The following HJV variants were observed in gnomAD, a reference collection of about 807,000 sequenced individuals.
The protein encoded by HJV is hemojuvelin BMP co-receptor, also known as hemojuvelin.
HJV carries 18 observed loss-of-function variants against 22.7 expected under a neutral mutation model. That is an observed-to-expected ratio of 0.79 (90% confidence interval 0.55 to 1.18). HJV has a LOEUF of 1.18. Among genes scored for constraint, HJV ranks in the 50% most tolerant of loss-of-function variants. The pLI, the probability that HJV is intolerant of heterozygous loss-of-function variation, is 0.00. For synonymous variants in HJV, 229 were observed against 222.7 expected, an observed-to-expected ratio of 1.03 and a Z score of -0.25; for missense variants, 572 against 553.0, an observed-to-expected ratio of 1.03 and a Z score of -0.34.
Position 146,018,513 on chromosome 1 carries a change from CCAA to C in HJV, c.842_844del (p.Ile281_Gly282delinsSer). On this transcript the variant is annotated inframe_deletion, in exon 4 of 4. Transcript: ENST00000336751. Reference sequence around the variant, plus strand: ...TGTCTGCCGAATGATTATAGTTGTGCCAATGTAGGCAGCTTGGATCTCCACATG... The same window carrying C: ...TGTCTGCCGAATGATTATAGTTGTGCTGTAGGCAGCTTGGATCTCCACATG... 6.2e-7 allele frequency: 1 copy of C among 1,614,106 alleles called. No homozygotes were observed. Among genetic ancestry groups the C allele is most frequent in the Non-Finnish European group, 8.5e-7 (1 of 1,180,016 alleles).
rs1571043088 is a variant in HJV, at chr1:146,018,600, T to C, written c.758A>G (p.Asn253Ser). The C allele has an allele frequency of 6.2e-7, 1 of 1,614,198 alleles. No individual in the cohort carries two copies. The highest frequency in any genetic ancestry group is 8.5e-7 in the Non-Finnish European group (1 of 1,180,018). The change falls in exon 4 of 4, where the codon AAT (asparagine) becomes AGT (serine). Residue 253 changes from asparagine to serine, a missense_variant. By Grantham distance (46) the Asn-to-Ser change is conservative. Transcript: ENST00000336751. ...GGATCCCCCAGGTCGGTCACCTCCA[T>C]TGATAGAACCATCTTCAAAGGCTAC... The part of the protein sequence containing the change: ...LPVAFEDGSI[N>S]GGDRPGGSSL...
intron 1 of HJV, among the ~76,000 whole-genome samples, chr1:146,020,754 A>G (rs1350923760): frequency 6.6e-6 from 1 of 152,188 alleles, no homozygotes; most frequent in African/African-American, 2.4e-5. Context: ...TCTAGGAGTC[A>G]TACATTTCTT....
In HJV at chr1:146,019,402, C is replaced by A. The variant is rs782086326; in HGVS notation, c.430G>T (p.Ala144Ser). 12 of 1,613,100 alleles carry A rather than the reference C, an allele frequency of 7.4e-6. No individual in the cohort carries two copies. Reference sequence around the variant, plus strand: ...CCTTCATAGTCACAAGGGTCCGGGGCAGGGAGGCCGGAGCCCGCGCCTGGA... The same window carrying A: ...CCTTCATAGTCACAAGGGTCCGGGGAAGGGAGGCCGGAGCCCGCGCCTGGA... ...ALPGAGSGLP[A>S]PDPCDYEGRF... The change falls in exon 3 of 4, where the codon GCC (alanine) becomes TCC (serine). Residue 144 changes from alanine (A) to serine (S), a missense_variant. Coordinates refer to ENST00000336751, the MANE Select transcript of HJV (RefSeq NM_213653.4).
At position 146,018,109 on chromosome 1, in the gene HJV, C is replaced by T. The variant is rs782730803; in HGVS notation, c.1249G>A (p.Gly417Arg). The T allele has an allele frequency of 1.2e-6, 2 of 1,614,090 alleles. No homozygotes were observed. The highest frequency in any genetic ancestry group is 2.2e-5 in the South Asian group (2 of 91,070). The change falls in exon 4 of 4, where the codon GGG becomes AGG. Residue 417 changes from glycine to arginine, a missense_variant. Physicochemically the swap from Gly to Arg is moderately radical, Grantham distance 125 (BLOSUM62 -2). Coordinates refer to ENST00000336751, the MANE Select transcript of HJV (RefSeq NM_213653.4). ...ATGCAAAGCCACAGAACAAAGAGCC[C>T]AGAAAGGAGTGGAGCTAAGAGGGTT... ...SATLLAPLLSGLFVLWLCIQ is the reference protein window; with the variant it reads ...SATLLAPLLSRLFVLWLCIQ
rs782530771 is a variant in HJV, at chr1:146,019,444, G to C, written c.388C>G (p.Pro130Ala). The part of the protein sequence containing the change: ...SRQGPTAPPP[P>A]RGPALPGAGS... ...GCGCCTGGAAGGGCGGGGCCCCGGGGCGGGGGAGGGGCTGTAGGGCCCTGG... is the reference window on the plus strand; with the variant it reads ...GCGCCTGGAAGGGCGGGGCCCCGGGCCGGGGGAGGGGCTGTAGGGCCCTGG... Residue 130 changes from proline to alanine, a missense_variant, in exon 3 of 4, where the codon CCC becomes GCC. By Grantham distance (27) the Pro-to-Ala change is conservative. Coordinates refer to ENST00000336751, the MANE Select transcript of HJV (RefSeq NM_213653.4). The C allele has an allele frequency of 1.2e-6, 2 of 1,612,336 alleles. No homozygotes were observed. Among genetic ancestry groups the C allele is most frequent in the Non-Finnish European group, 1.7e-6 (2 of 1,179,514 alleles).
In HJV at chr1:146,018,566, C is replaced by G. The variant is rs35710964; in HGVS notation, c.792G>C (p.Ser264=). ...GGTTCCCAGGGTTAGCAGTTTGAATCGACAAACTGGATCCCCCAGGTCGGT... is the reference window on the plus strand; with the variant it reads ...GGTTCCCAGGGTTAGCAGTTTGAATGGACAAACTGGATCCCCCAGGTCGGT... ...GGDRPGGSSL[S]IQTANPGNHV... Residue 264 remains serine (S), a synonymous_variant, in exon 4 of 4, where the codon TCG becomes TCC. Transcript: ENST00000336751. 1,436 of 1,614,146 alleles carry G rather than the reference C, an allele frequency of 8.9e-4. 9 individuals carry two copies. In the African/African-American group the frequency reaches 0.017, roughly 19 times the overall value.
Position 146,019,493 on chromosome 1 carries a change from C to G in HJV, c.339G>C (p.Leu113=), listed in dbSNP as rs982995852. 5 of 1,612,776 alleles carry G rather than the reference C, an allele frequency of 3.1e-6. No homozygotes were observed. Among genetic ancestry groups the G allele is most frequent in the Non-Finnish European group, 4.2e-6 (5 of 1,179,916 alleles). ...GGCGGGAGCAGTTGTGCTGGATCAT[C>G]AGGTCTTCGATGCCATGTACCGCCG... The part of the protein sequence containing the change: ...FHSAVHGIED[L]MIQHNCSRQG... Residue 113 remains leucine (L), a synonymous_variant, in exon 3 of 4, where the codon CTG becomes CTC. Transcript: ENST00000336751.
Position 146,019,420 on chromosome 1 carries a change from C to T in HJV, c.412G>A (p.Ala138Thr). The T allele has an allele frequency of 1.2e-6, 2 of 1,612,382 alleles. No homozygotes were observed. The highest frequency in any genetic ancestry group is 1.7e-6 in the Non-Finnish European group (2 of 1,179,416). Residue 138 changes from alanine (A) to threonine (T), a missense_variant, in exon 3 of 4, where the codon GCG becomes ACG. Coordinates refer to ENST00000336751, the MANE Select transcript of HJV (RefSeq NM_213653.4). ...PPPRGPALPG[A>T]GSGLPAPDPC... ...TCCGGGGCAGGGAGGCCGGAGCCCG[C>T]GCCTGGAAGGGCGGGGCCCCGGGGC...
In HJV at chr1:146,019,198, C is replaced by A. The variant is rs1652539740; in HGVS notation, c.634G>T (p.Ala212Ser). 6.2e-7 allele frequency: 1 copy of A among 1,614,046 alleles called. No homozygotes were observed. Among genetic ancestry groups the A allele is most frequent in the Non-Finnish European group, 8.5e-7 (1 of 1,179,922 alleles). Residue 212 changes from alanine to serine, a missense_variant, in exon 3 of 4, where the codon GCC becomes TCC. Transcript: ENST00000336751. ...ACCTTCCGGGTGGCGGTAGCGTTGGCCCCCAACGCCATGGGGGAGCTGGTG... is the reference window on the plus strand; with the variant it reads ...ACCTTCCGGGTGGCGGTAGCGTTGGACCCCAACGCCATGGGGGAGCTGGTG... ...QATSSPMALG[A>S]NATATRKLTI...
rs781967795 is a variant in HJV, at chr1:146,018,546, C to A, written c.812G>T (p.Gly271Val). 1.2e-6 allele frequency: 2 copies of A among 1,614,142 alleles called. No homozygotes were observed. The highest frequency in any genetic ancestry group is 2.2e-5 in the South Asian group (2 of 91,074). The change falls in exon 4 of 4, where the codon GGG becomes GTG. Residue 271 changes from glycine (G) to valine (V), a missense_variant. By Grantham distance (109) the Gly-to-Val change is moderately radical. Transcript: ENST00000336751. Reference sequence around the variant, plus strand: ...GGCAGCTTGGATCTCCACATGGTTCCCAGGGTTAGCAGTTTGAATCGACAA... The same window carrying A: ...GGCAGCTTGGATCTCCACATGGTTCACAGGGTTAGCAGTTTGAATCGACAA... ...SSLSIQTANP[G>V]NHVEIQAAYI...
At position 146,019,323 on chromosome 1, in the gene HJV, A is replaced by G. The variant is rs1553769659; in HGVS notation, c.509T>C (p.Phe170Ser). The change falls in exon 3 of 4, where the codon TTC becomes TCC. Residue 170 changes from phenylalanine (F) to serine (S), a missense_variant. Coordinates refer to ENST00000336751, the MANE Select transcript of HJV (RefSeq NM_213653.4). ...GAAGCTGCGCACATGGGGGTCCCCG[A>G]AGGAAGCGCAATGCAAGAACCCCGG... ...RPPGFLHCAS[F>S]GDPHVRSFHH... The G allele has an allele frequency of 6.2e-7, 1 of 1,613,844 alleles. No homozygotes were observed. Among genetic ancestry groups the G allele is most frequent in the Non-Finnish European group, 8.5e-7 (1 of 1,180,042 alleles).
In HJV at chr1:146,019,482, T is replaced by C. The variant is rs1553769733; in HGVS notation, c.350A>G (p.His117Arg). 2 of 1,612,842 alleles carry C rather than the reference T, an allele frequency of 1.2e-6. No homozygotes were observed. The highest frequency in any genetic ancestry group is 2.2e-5 in the East Asian group (1 of 44,868). ...TGTAGGGCCCTGGCGGGAGCAGTTG[T>C]GCTGGATCATCAGGTCTTCGATGCC... ...VHGIEDLMIQ[H>R]NCSRQGPTAP... The change falls in exon 3 of 4, where the codon CAC (histidine) becomes CGC (arginine). Residue 117 changes from histidine (H) to arginine (R), a missense_variant. His to Arg is a conservative substitution (Grantham distance 29). Coordinates refer to ENST00000336751, the MANE Select transcript of HJV (RefSeq NM_213653.4).
rs781819493 is a variant in HJV at position 146,018,355 on chromosome 1, G to A, written c.1003C>T (p.Arg335Trp). 9.9e-6 allele frequency: 16 copies of A among 1,614,038 alleles called. No individual in the cohort carries two copies. The highest frequency in any genetic ancestry group is 9.3e-5 in the African/African-American group (7 of 74,918). Reference protein sequence around the residue: ...QRLSRSERNRRGAITIDTARR... With the variant: ...QRLSRSERNRWGAITIDTARR... ...GCAGTATCAATGGTTATAGCTCCCC[G>A]ACGATTGCGCTCTGATCGAGAGAGT... The change falls in exon 4 of 4, where the codon CGG becomes TGG. Residue 335 changes from arginine to tryptophan, a missense_variant. Arg to Trp is a moderately radical substitution (Grantham distance 101, BLOSUM62 -3). Coordinates refer to ENST00000336751, the MANE Select transcript of HJV (RefSeq NM_213653.4).
intron 3 of HJV, 44 bp from the exon 4 acceptor site, chr1:146,018,744 A>T (rs782379881): frequency 8.5e-5 from 137 of 1,605,272 alleles, no homozygotes; most frequent in Non-Finnish European, 2.6e-6. Flanking sequence ...GGTTCAGTGC[A>T]TCTTCCCCCC....
At chr1:146,020,058 T>A (rs1293138376) in intron 2 of HJV, 77 bp downstream of exon 2, 6 of 1,015,058 alleles carry the variant, frequency 5.9e-6, no homozygotes, top group Non-Finnish European at 9.4e-6. Context: ...TCCTCACTCA[T>A]TCAGGCTCAC....
In HJV at chr1:146,018,011, A is replaced by G; in HGVS notation, c.*66T>C. The G allele has an allele frequency of 1.5e-5, 24 of 1,553,032 alleles. No homozygotes were observed. The highest frequency in any genetic ancestry group is 2.1e-5 in the Non-Finnish European group (24 of 1,127,070). On this transcript the variant is annotated 3_prime_UTR_variant, in exon 4 of 4. Coordinates refer to ENST00000336751, the MANE Select transcript of HJV (RefSeq NM_213653.4). ...GCCCTGCTTCCTTTAATGATTCTTT[A>G]CATTCTTCTATGCCAATCTGTATCT... is the stretch of plus-strand genomic sequence containing the variant.
At chr1:146,019,911 A>G (rs974619597) in intron 2 of HJV, among the ~76,000 whole-genome samples, 177 bp from the exon 3 acceptor site, 7 of 152,166 alleles carry the variant, frequency 4.6e-5, no homozygotes, top group Non-Finnish European at 8.8e-5. Context: ...CTGTCTTACT[A>G]AAAGTGTGTA....
rs587729018 is a variant in HJV at position 146,020,439 on chromosome 1, T to C, written c.-89-119A>G. 7.0e-5 allele frequency: 38 copies of C among 539,890 alleles called. No individual in the cohort carries two copies. In the East Asian group the frequency reaches 9.0e-4, roughly 13 times the overall value. 33.4% of individuals were successfully genotyped at this position (539,890 alleles called of 1,614,324 possible). On this transcript the variant is annotated intron_variant, in intron 1 of 3. Transcript: ENST00000336751. The stretch of plus-strand genomic sequence containing the variant: ...ATGAACAGACTGGAATTTGGGGAGA[T>C]TGGAGTTCCTCAAACTATAAGTGTG...
In HJV at chr1:146,018,590, G is replaced by A. The variant is rs1174830719; in HGVS notation, c.768C>T (p.Asp256=). Residue 256 remains aspartate, a synonymous_variant, in exon 4 of 4, where the codon GAC becomes GAT. Coordinates refer to ENST00000336751, the MANE Select transcript of HJV (RefSeq NM_213653.4). ...TCGACAAACTGGATCCCCCAGGTCG[G>A]TCACCTCCATTGATAGAACCATCTT... ...AFEDGSINGG[D]RPGGSSLSIQ... 1 of 1,614,048 alleles carries A rather than the reference G, an allele frequency of 6.2e-7. No homozygotes were observed. The highest frequency in any genetic ancestry group is 8.5e-7 in the Non-Finnish European group (1 of 1,180,038).
Sources: allele counts gnomAD v4.1 joint callset (sites outside exome capture counted in the v4.1 genomes callset), GRCh38; gene constraint gnomAD v4.1.1; transcripts MANE v1.5; gene names NCBI Gene and HGNC (gene_info 2026-07-23, HGNC 2026-07-21).